Variants in IKZF5 observed in about 807,000 individuals in gnomAD.
IKZF5 encodes IKAROS family zinc finger 5.
In IKZF5, 4 loss-of-function variants were observed where a neutral mutation model predicts 30.7. That is an observed-to-expected ratio of 0.13 (90% CI 0.06 to 0.30). IKZF5 has a LOEUF of 0.30. IKZF5 is among the 10% of genes least tolerant of loss of function. IKZF5 has a pLI of 1.00. For synonymous variants in IKZF5, 148 were observed against 179.6 expected (o/e 0.82, Z 1.41); for missense variants, 348 against 525.5 (o/e 0.66, Z 3.30).
intron 2 of IKZF5, among the ~76,000 whole-genome samples, chr10:122,999,481 C>A (rs1849506909): frequency 6.6e-6 from 1 of 152,210 alleles, no homozygotes; most frequent in Non-Finnish European, 1.5e-5. Context: ...CCATGCTCAT[C>A]TTTGCTGCAA....
chr10:122,999,081 C>A (rs1849492697), intron 2 of IKZF5, among the ~76,000 whole-genome samples: 1 of 152,134 alleles, frequency 6.6e-6, no homozygotes, highest in Non-Finnish European at 1.5e-5. Flanking sequence ...ATGGTCCCAG[C>A]TACTCAGGAG....
At position 122,994,869 on chromosome 10, in the gene IKZF5, A is replaced by T; in HGVS notation, c.317-146T>A. 1 of 644,706 alleles carries T rather than the reference A, an allele frequency of 1.6e-6. No homozygotes were observed. Among genetic ancestry groups the T allele is most frequent in the Non-Finnish European group, 2.6e-6 (1 of 384,670 alleles). The allele number at this position is 644,706 out of a possible 1,614,324, so 39.9% of individuals were successfully genotyped here. On this transcript the variant is annotated intron_variant, in intron 4 of 4. Transcript: ENST00000368886. This position sits in a 1 kb window ranked among gnomAD's most constrained non-coding sequence, Gnocchi z 5.6. ...ATTTGCATAGCATATGAGATTGTTAAAATTTGTAAATAAACCCACAAATTG... is the reference window on the plus strand; with the variant it reads ...ATTTGCATAGCATATGAGATTGTTATAATTTGTAAATAAACCCACAAATTG...
rs1405275754 is a variant in IKZF5, at chr10:122,992,993, T to C, written c.*787A>G. On this transcript the variant is annotated 3_prime_UTR_variant, in exon 5 of 5. Transcript: ENST00000368886. ...TAGGAAGAATAAGAGATTCTCATTA[T>C]AGTTATCCACCTCACCTAACAGTAA... 1.3e-5 allele frequency: 2 copies of C among 152,622 alleles called. No individual in the cohort carries two copies. Among genetic ancestry groups the C allele is most frequent in the Non-Finnish European group, 2.9e-5 (2 of 68,028 alleles). The allele number at this position is 152,622 out of a possible 1,614,324, so 9.5% of individuals were successfully genotyped here.
intron 1 of IKZF5, among the ~76,000 whole-genome samples, chr10:123,007,935 C>G (rs1037735495): frequency 6.6e-5 from 10 of 152,120 alleles, no homozygotes; most frequent in African/African-American, 2.2e-4. Flanking sequence ...GCTTGTCACA[C>G]GTCTTTCGGG....
chr10:123,008,006 T>C (rs1322978163), intron 1 of IKZF5, among the ~76,000 whole-genome samples: 6 of 152,100 alleles, frequency 3.9e-5, no homozygotes, highest in Admixed American at 3.9e-4. Flanking sequence ...TGCTAGAACT[T>C]GTTTAGCTTC....
rs1183048439 is a variant in IKZF5 at position 122,994,453 on chromosome 10, A to G, written c.587T>C (p.Leu196Pro). Residue 196 changes from leucine to proline, a missense_variant, in exon 5 of 5, where the codon CTA (leucine) becomes CCA (proline). Coordinates refer to ENST00000368886, the MANE Select transcript of IKZF5 (RefSeq NM_001372123.1). This position sits in a 1 kb window ranked among gnomAD's most constrained non-coding sequence, Gnocchi z 5.6. The stretch of plus-strand genomic sequence containing the variant: ...CATGGAAGGTGGACTTAAGTTGATT[A>G]GTGCTCTTCTGCTATAGCCCAGATT... ...TSNLGYSRRALINLSPPSMVV... is the reference protein window; with the variant it reads ...TSNLGYSRRAPINLSPPSMVV... 6.2e-7 allele frequency: 1 copy of G among 1,614,154 alleles called. No individual in the cohort carries two copies. The highest frequency in any genetic ancestry group is 1.1e-5 in the South Asian group (1 of 91,084).
At chr10:123,007,820 TGTTA>T (rs1168713428) in intron 1 of IKZF5, among the ~76,000 whole-genome samples, 3 of 152,334 alleles carry the variant, frequency 2.0e-5, no homozygotes, top group Admixed American at 6.5e-5. Context: ...TTTTTAAAAT[TGTTA>T]GTTCCTACGT....
intron 2 of IKZF5, among the ~76,000 whole-genome samples, chr10:123,002,247 A>G (rs9423303): frequency 0.58 from 88,664 of 151,844 alleles, 27,135 homozygotes; most frequent in Non-Finnish European, 0.69. Flanking sequence ...GGCCGGGCGC[A>G]GTGGCTCACG....
At chr10:122,999,259 T>G (rs1334282935) in intron 2 of IKZF5, among the ~76,000 whole-genome samples, 1 of 152,230 alleles carries the variant, frequency 6.6e-6, no homozygotes, top group Admixed American at 6.5e-5. Context: ...ATATAGCTAC[T>G]GAGGCACTTG....
rs1849184551 is a variant in IKZF5, at chr10:122,992,147, G to C, written c.*1633C>G. ...ACAAAGAAGAGAGTTCCAGTTTGGA[G>C]AAAGTGTCCTTGATGCTGCTCTTTA... is the stretch of plus-strand genomic sequence containing the variant. On this transcript the variant is annotated 3_prime_UTR_variant, in exon 5 of 5. Coordinates refer to ENST00000368886, the MANE Select transcript of IKZF5 (RefSeq NM_001372123.1). The C allele has an allele frequency of 6.6e-6, 1 of 152,214 alleles. No individual in the cohort carries two copies. Among genetic ancestry groups the C allele is most frequent in the South Asian group, 2.1e-4 (1 of 4,834 alleles). 9.4% of individuals were successfully genotyped at this position (152,214 alleles called of 1,614,324 possible).
chr10:122,999,362 TA>T (rs61093806), intron 2 of IKZF5, among the ~76,000 whole-genome samples: 115,422 of 152,134 alleles, frequency 0.76, 44,659 homozygotes, highest in Non-Finnish European at 0.84. Flanking sequence ...CAAAGGCTCT[TA>T]AGACATAGTG....
In IKZF5 at chr10:122,993,253, C is replaced by CTAT. The variant is rs1849228019; in HGVS notation, c.*524_*526dup. On this transcript the variant is annotated 3_prime_UTR_variant, in exon 5 of 5. Coordinates refer to ENST00000368886, the MANE Select transcript of IKZF5 (RefSeq NM_001372123.1). ...TTTTTACTAAACTGAAATAGCTTTA[C>CTAT]TATTATCAGTTGAAATGAAACTACC... 6.6e-6 allele frequency: 1 copy of CTAT among 152,552 alleles called. No homozygotes were observed. 9.4% of individuals were successfully genotyped at this position (152,552 alleles called of 1,614,324 possible). A position where few individuals can be genotyped will look rare whatever the true frequency, so the allele number is the denominator to read the frequency against.
At chr10:123,003,314 A>G (rs1849665166) in intron 2 of IKZF5, among the ~76,000 whole-genome samples, 1 of 151,948 alleles carries the variant, frequency 6.6e-6, no homozygotes, top group Non-Finnish European at 1.5e-5. Context: ...TGTATTAGGT[A>G]TTATAAATAA....
chr10:123,001,564 C>T (rs1426168593), intron 2 of IKZF5, among the ~76,000 whole-genome samples: 2 of 152,118 alleles, frequency 1.3e-5, no homozygotes, highest in Admixed American at 1.3e-4. Context: ...ATCCAACTGT[C>T]CCAGCAATGT....
In IKZF5 at chr10:122,994,059, C is replaced by T; in HGVS notation, c.981G>A (p.Val327=). The change falls in exon 5 of 5, where the codon GTG becomes GTA. Residue 327 remains valine (V), a synonymous_variant. Coordinates refer to ENST00000368886, the MANE Select transcript of IKZF5 (RefSeq NM_001372123.1). The surrounding 1 kb of genome is among the most constrained non-coding windows in gnomAD (Gnocchi z 5.6). ...CACTTGGCTCACTGCTTGGACCTGC[C>T]ACTGGACTATAGTTCCTTTGACTAT... is the stretch of plus-strand genomic sequence containing the variant. ...PSHSQRNYSP[V]AGPSSEPSAH... The T allele has an allele frequency of 6.2e-7, 1 of 1,614,084 alleles. No individual in the cohort carries two copies.
intron 3 of IKZF5, among the ~76,000 whole-genome samples, chr10:122,996,772 A>G (rs1849388594): frequency 6.6e-6 from 1 of 152,322 alleles, no homozygotes; most frequent in South Asian, 2.1e-4. Context: ...TGAAGAAGTG[A>G]ACAGGTGAGG....
At chr10:123,000,577 T>C (rs1849547127) in intron 2 of IKZF5, among the ~76,000 whole-genome samples, 1 of 152,264 alleles carries the variant, frequency 6.6e-6, no homozygotes. Context: ...GTTGGTTGTA[T>C]AGAAGTGAAA....
chr10:122,997,922 G>A (rs950683570), intron 3 of IKZF5, among the ~76,000 whole-genome samples: 1 of 152,140 alleles, frequency 6.6e-6, no homozygotes, highest in Admixed American at 6.5e-5. Context: ...TACAAAAACA[G>A]CAGTCCAGAT....
At position 122,993,936 on chromosome 10, in the gene IKZF5, G is replaced by C. The variant is rs1467054052; in HGVS notation, c.1104C>G (p.His368Gln). Residue 368 changes from histidine to glutamine, a missense_variant, in exon 5 of 5, where the codon CAC becomes CAG. By Grantham distance (24) the His-to-Gln change is conservative (BLOSUM62 0). Around this residue, in one of 4 missense-constraint regions of IKZF5, gnomAD observed 56 missense variants for 104.7 expected, o/e 0.53. Coordinates refer to ENST00000368886, the MANE Select transcript of IKZF5 (RefSeq NM_001372123.1). ...TGTTGTCTGCAAAGTACATATCACAGTGCTGGCAGTGGTGCAGAAGCTGAG... is the reference window on the plus strand; with the variant it reads ...TGTTGTCTGCAAAGTACATATCACACTGCTGGCAGTGGTGCAGAAGCTGAG... ...QDPQLLHHCQ[H>Q]CDMYFADNIL... 1.2e-6 allele frequency: 2 copies of C among 1,614,166 alleles called. No individual in the cohort carries two copies. The highest frequency in any genetic ancestry group is 4.5e-5 in the East Asian group (2 of 44,876).
Sources: gnomAD v4.1 joint callset for allele counts (sites outside exome capture counted in the v4.1 genomes callset) on GRCh38, gnomAD v4.1.1 for gene constraint, gnomAD v4.1.1 regional missense constraint, Gnocchi (gnomAD v3.1) non-coding constraint, MANE v1.5 for transcripts, NCBI Gene and HGNC (gene_info 2026-07-23, HGNC 2026-07-21) for gene names.